Variants in FRMD4B observed in about 807,000 individuals in gnomAD.
FRMD4B encodes the protein FERM domain containing 4B, also known as FERM domain-containing protein 4B.
FRMD4B carries 74 observed loss-of-function variants against 141.5 expected under a neutral mutation model. That is an observed-to-expected ratio of 0.52 (90% CI 0.43 to 0.63). The LOEUF is 0.63. Among genes scored for constraint, FRMD4B ranks in the 30% least tolerant of loss-of-function variants. The probability of loss-of-function intolerance (pLI) is 0.00; values close to 1 mark genes in which losing one functional copy is unlikely to be tolerated. For missense variants in FRMD4B, 1,366 were observed against 1,253.4 expected, an observed-to-expected ratio of 1.09 and a Z score of -1.36; for synonymous variants, 506 against 467.9, an observed-to-expected ratio of 1.08 and a Z score of -1.05.
chr3:69,196,402 A>G lies in FRMD4B; in HGVS notation c.1093-6T>C. On this transcript the variant is annotated splice_region_variant and splice_polypyrimidine_tract_variant and intron_variant, in intron 13 of 22. Coordinates refer to ENST00000398540, the MANE Select transcript of FRMD4B (RefSeq NM_015123.3). ...CTGGCTGAAGGAATTTTTGCCTAAG[A>G]GGCATACAACAATGAAACAGAATTA... 1 of 1,603,216 alleles carries G rather than the reference A, an allele frequency of 6.2e-7. No individual in the cohort carries two copies. Among genetic ancestry groups the G allele is most frequent in the Non-Finnish European group, 8.5e-7 (1 of 1,174,116 alleles).
intron 4 of FRMD4B, among the ~76,000 whole-genome samples, chr3:69,294,156 A>G (rs530988888): frequency 6.6e-6 from 1 of 152,302 alleles, no homozygotes; most frequent in East Asian, 1.9e-4. Context: ...TGAGTTTGTG[A>G]CTGGCGTCCA....
intron 1 of FRMD4B, among the ~76,000 whole-genome samples, chr3:69,343,508 A>G (rs1226923147): frequency 6.6e-6 from 1 of 151,322 alleles, no homozygotes; most frequent in African/African-American, 2.4e-5. Flanking sequence ...TGTCAATTTA[A>G]TCTCTTGACC....
At chr3:69,519,595 A>G (rs1029056100) in intron 1 of FRMD4B, among the ~76,000 whole-genome samples, 36 of 152,170 alleles carry the variant, frequency 2.4e-4, no homozygotes, top group African/African-American at 7.7e-4. Context: ...CTCTCTGGTT[A>G]GCTTCCCTAA....
At chr3:69,247,852 T>C (rs1240788997) in intron 7 of FRMD4B, among the ~76,000 whole-genome samples, 2 of 152,242 alleles carry the variant, frequency 1.3e-5, no homozygotes, top group Non-Finnish European at 2.9e-5. Flanking sequence ...GGTTTCACCG[T>C]GTTAGTCAAG....
intron 2 of FRMD4B, among the ~76,000 whole-genome samples, chr3:69,414,846 C>A (rs1384286616): frequency 6.7e-6 from 1 of 149,666 alleles, no homozygotes; most frequent in Non-Finnish European, 1.5e-5. Flanking sequence ...TGTTGAGACT[C>A]ACAGCGAACA....
At chr3:69,370,848 T>C (rs1703803400) in intron 1 of FRMD4B, among the ~76,000 whole-genome samples, 1 of 152,178 alleles carries the variant, frequency 6.6e-6, no homozygotes, top group South Asian at 2.1e-4. Flanking sequence ...TCATTCTCCC[T>C]AGAGTGGCTG....
chr3:69,215,883 G>C (rs2093135185), intron 11 of FRMD4B, among the ~76,000 whole-genome samples: 1 of 149,968 alleles, frequency 6.7e-6, no homozygotes, highest in East Asian at 2.0e-4. Flanking sequence ...GTGTGTGCTT[G>C]TGGCTCACGC....
At chr3:69,260,653 C>G (rs1267596631) in intron 5 of FRMD4B, among the ~76,000 whole-genome samples, 1 of 152,256 alleles carries the variant, frequency 6.6e-6, no homozygotes, top group Non-Finnish European at 1.5e-5. Flanking sequence ...TGGTGCGGGA[C>G]TGGCGGGAAA....
chr3:69,215,124 C>T (rs1173874166), intron 11 of FRMD4B, among the ~76,000 whole-genome samples: 1 of 151,538 alleles, frequency 6.6e-6, no homozygotes, highest in African/African-American at 2.4e-5. Context: ...AGGCAACCCA[C>T]CCGACTCAGC....
intron 1 of FRMD4B, among the ~76,000 whole-genome samples, chr3:69,363,593 G>T (rs1703543002): frequency 6.6e-6 from 1 of 151,646 alleles, no homozygotes; most frequent in Non-Finnish European, 1.5e-5. Flanking sequence ...ATTTCACCAT[G>T]TTAGCCAGGA....
chr3:69,465,262 G>T (rs1705763787), intron 1 of FRMD4B, among the ~76,000 whole-genome samples: 3 of 151,090 alleles, frequency 2.0e-5, no homozygotes, highest in Non-Finnish European at 2.9e-5. Flanking sequence ...CCAGGTTGCA[G>T]TGAGCCGAGA....
chr3:69,446,286 A>G (rs573583365), intron 1 of FRMD4B, among the ~76,000 whole-genome samples: 1 of 152,010 alleles, frequency 6.6e-6, no homozygotes, highest in African/African-American at 2.4e-5. Context: ...TTAGCCTCAT[A>G]AAGTGCTGGG....
At chr3:69,497,598 T>C (rs987036337) in intron 1 of FRMD4B, among the ~76,000 whole-genome samples, 40 of 152,130 alleles carry the variant, frequency 2.6e-4, no homozygotes, top group Non-Finnish European at 5.0e-4. Flanking sequence ...ATAATAATAA[T>C]GTCTTCCCCA....
intron 1 of FRMD4B, among the ~76,000 whole-genome samples, chr3:69,456,664 G>A (rs1258729123): frequency 6.6e-6 from 1 of 150,852 alleles, no homozygotes. Context: ...CTATGAGCTG[G>A]CACACAACAG....
At chr3:69,334,681 T>C (rs1702486024) in intron 1 of FRMD4B, among the ~76,000 whole-genome samples, 1 of 152,128 alleles carries the variant, frequency 6.6e-6, no homozygotes, top group Non-Finnish European at 1.5e-5. Flanking sequence ...AGTTGCTAAA[T>C]AGGTGATTTG....
In FRMD4B at chr3:69,419,300, G is replaced by A. The variant is rs140195052; in HGVS notation, c.-1+13334C>T. Among the ~76,000 whole-genome samples the A allele has an allele frequency of 5.6e-3, 857 of 152,240 alleles. 5 individuals carry two copies. The highest frequency in any genetic ancestry group is 8.8e-3 in the Non-Finnish European group (598 of 68,008). On this transcript the variant is annotated intron_variant, in intron 2 of 5. Transcript: ENST00000459638. ...GCTCACATACCTGATCAGCCCAGACGTATCTGGCTTCAGGCACCAATGCCC... is the reference window on the plus strand; with the variant it reads ...GCTCACATACCTGATCAGCCCAGACATATCTGGCTTCAGGCACCAATGCCC...
intron 1 of FRMD4B, among the ~76,000 whole-genome samples, chr3:69,513,487 AC>A (rs1346712611): frequency 6.6e-6 from 1 of 152,186 alleles, no homozygotes; most frequent in Non-Finnish European, 1.5e-5. Flanking sequence ...AAAAAGAATA[AC>A]ACCAATCCTC....
intron 1 of FRMD4B, among the ~76,000 whole-genome samples, chr3:69,505,175 G>A (rs1043085221): frequency 4.6e-5 from 7 of 151,910 alleles, no homozygotes; most frequent in South Asian, 4.2e-4. Context: ...TTAGAGACCA[G>A]CCTGGGCAAG....
At chr3:69,258,163 G>T (rs1278047675) in intron 5 of FRMD4B, among the ~76,000 whole-genome samples, 2 of 151,952 alleles carry the variant, frequency 1.3e-5, no homozygotes, top group African/African-American at 4.8e-5. Flanking sequence ...ACAGGGTTTT[G>T]CCATGTTGCC....
Sources: allele counts gnomAD v4.1 joint callset (sites outside exome capture counted in the v4.1 genomes callset), GRCh38; gene constraint gnomAD v4.1.1; transcripts MANE v1.5; gene names NCBI Gene and HGNC (gene_info 2026-07-23, HGNC 2026-07-21).